Variants in ABCB1 observed in about 807,000 individuals in gnomAD.
ABCB1 encodes ATP binding cassette subfamily B member 1.
A neutral mutation model predicts 142.0 loss-of-function variants in ABCB1; 69 were observed. The ratio of observed to expected loss-of-function variants is 0.49; its 90% confidence interval spans 0.40 to 0.59. The LOEUF (loss-of-function observed/expected upper bound fraction) is 0.59, where lower values mean the gene tolerates loss of function less well. Ranked by LOEUF, ABCB1 falls within the 20% of genes least tolerant of loss-of-function variation. The pLI is 0.00. For synonymous variants in ABCB1, 532 were observed against 539.2 expected, an observed-to-expected ratio of 0.99 and a Z score of 0.18; for missense variants, 1,326 against 1,554.7, an observed-to-expected ratio of 0.85 and a Z score of 2.47.
At chr7:87,588,107 G>C (rs565984918) in intron 3 of ABCB1, among the ~76,000 whole-genome samples, 1 of 151,618 alleles carries the variant, frequency 6.6e-6, no homozygotes, top group South Asian at 2.1e-4. Context: ...TAATTTTCCA[G>C]GAATAAAGAC....
intron 3 of ABCB1, among the ~76,000 whole-genome samples, chr7:87,586,468 G>A (rs1285922967): frequency 6.6e-6 from 1 of 151,960 alleles, no homozygotes; most frequent in African/African-American, 2.4e-5. Flanking sequence ...AAAACCAAAG[G>A]GAAAAAAAAC....
At position 87,689,222 on chromosome 7, in the gene ABCB1, T is replaced by A. The variant is rs1437702022; in HGVS notation, c.-331+23939A>T. On this transcript the variant is annotated intron_variant, in intron 1 of 28. Transcript: ENST00000265724. ...TATAATAAGAGAGTTAAAGAAATGTTTTAGTCTACAATTAATCCAATTTCA... is the reference window on the plus strand; with the variant it reads ...TATAATAAGAGAGTTAAAGAAATGTATTAGTCTACAATTAATCCAATTTCA... 2.6e-5 allele frequency among the ~76,000 whole-genome samples: 4 copies of A among 152,188 alleles called. No homozygotes were observed. In the East Asian group the frequency reaches 7.7e-4, roughly 29 times the overall value.
chr7:87,593,339 T>A (rs1819071919), intron 3 of ABCB1, among the ~76,000 whole-genome samples: 1 of 152,232 alleles, frequency 6.6e-6, no homozygotes, highest in Non-Finnish European at 1.5e-5. Context: ...TTTCTGTAAA[T>A]GTTGAAACAA....
intron 1 of ABCB1, chr7:87,628,963 G>A: frequency 1.5e-6 from 2 of 1,308,064 alleles, no homozygotes; most frequent in South Asian, 3.3e-5. Context: ...AGCGCAGGGC[G>A]AGGGGAACCA....
chr7:87,710,594 C>A (rs1829989120), intron 1 of ABCB1: 2 of 1,599,174 alleles, frequency 1.3e-6, no homozygotes, highest in South Asian at 2.2e-5. Flanking sequence ...CAGAGTAGCA[C>A]TCATGGAAAA....
intron 1 of ABCB1, among the ~76,000 whole-genome samples, chr7:87,648,150 A>G (rs1371238239): frequency 6.7e-6 from 1 of 149,384 alleles, no homozygotes; most frequent in Non-Finnish European, 1.5e-5. Context: ...ACACCATTGC[A>G]CTCCAGCCTG....
chr7:87,520,473 T>A (rs889017344), intron 22 of ABCB1, among the ~76,000 whole-genome samples: 9 of 152,188 alleles, frequency 5.9e-5, no homozygotes, highest in African/African-American at 2.2e-4. Flanking sequence ...ATAACTCATT[T>A]TCAACTAGAG....
intron 3 of ABCB1, among the ~76,000 whole-genome samples, chr7:87,591,393 T>C (rs1298880324): frequency 6.6e-6 from 1 of 152,056 alleles, no homozygotes; most frequent in Non-Finnish European, 1.5e-5. Flanking sequence ...GAATACACAA[T>C]GTCAAAAGAG....
chr7:87,634,043 A>C (rs906433387), intron 1 of ABCB1, among the ~76,000 whole-genome samples: 1 of 152,086 alleles, frequency 6.6e-6, no homozygotes, highest in Non-Finnish European at 1.5e-5. Flanking sequence ...GCAGGTGTGA[A>C]GAGAGACCAA....
rs80186165 is a variant in ABCB1, at chr7:87,513,510, G to C, written c.3282+1721C>G. ...CACCAAGTGTTTTTCCCACTGGAAA[G>C]TGACTATGAGTACATTAGTGGATGG... is the stretch of plus-strand genomic sequence containing the variant. On this transcript the variant is annotated intron_variant, in intron 25 of 27. Coordinates refer to ENST00000622132, the MANE Select transcript of ABCB1 (RefSeq NM_001348946.2). Among the ~76,000 whole-genome samples, 117 of 152,262 alleles carry C rather than the reference G, an allele frequency of 7.7e-4. 1 individual carries two copies. In the East Asian group the frequency reaches 9.3e-3, roughly 12 times the overall value.
chr7:87,552,189 A>G (rs965383920), intron 9 of ABCB1, among the ~76,000 whole-genome samples: 1 of 151,266 alleles, frequency 6.6e-6, no homozygotes, highest in Non-Finnish European at 1.5e-5. Flanking sequence ...GTTTTGTGCA[A>G]ATCAGTTTCT....
At chr7:87,691,135 TATTC>T (rs1827980869) in intron 1 of ABCB1, among the ~76,000 whole-genome samples, 1 of 152,080 alleles carries the variant, frequency 6.6e-6, no homozygotes, top group African/African-American at 2.4e-5. Context: ...ATTAGAAACA[TATTC>T]AGTCTTATCA....
At chr7:87,629,054 C>A in intron 1 of ABCB1, 1 of 1,080,358 alleles carries the variant, frequency 9.3e-7, no homozygotes, top group Non-Finnish European at 1.2e-6. Context: ...CGCCCAGTGC[C>A]CCCGCCTATG....
chr7:87,521,936 TGG>T (rs1046087753), intron 21 of ABCB1: 1 of 782,610 alleles, frequency 1.3e-6, no homozygotes, highest in African/African-American at 1.7e-5. Flanking sequence ...CATGACTCCA[TGG>T]GTAAGACTGT....
intron 3 of ABCB1, among the ~76,000 whole-genome samples, chr7:87,591,897 G>T (rs764419415): frequency 6.6e-5 from 10 of 152,132 alleles, no homozygotes; most frequent in Admixed American, 2.6e-4. Context: ...AACTTTACAG[G>T]CGAGGGCAGC....
intron 3 of ABCB1, among the ~76,000 whole-genome samples, chr7:87,589,015 G>C (rs1017234402): frequency 4.5e-4 from 68 of 152,132 alleles, no homozygotes; most frequent in Non-Finnish European, 2.4e-4. Flanking sequence ...TTGTAAATTT[G>C]TTTAGGTTCC....
intron 1 of ABCB1, among the ~76,000 whole-genome samples, chr7:87,691,624 G>A (rs1828022901): frequency 1.3e-5 from 2 of 152,140 alleles, no homozygotes; most frequent in South Asian, 2.1e-4. Flanking sequence ...TTTGTCATAC[G>A]CTTGTTTATT....
rs1250911288 is a variant in ABCB1, at chr7:87,562,022, A to AATT, written c.703-636_703-635insAAT. Among the ~76,000 whole-genome samples the AATT allele has an allele frequency of 5.3e-5, 8 of 152,228 alleles. No individual in the cohort carries two copies. In the East Asian group the frequency reaches 1.5e-3, roughly 29 times the overall value. ...CCCCAAAATTACACAAAACCAATTT[A>AATT]TTTTAAAAATTCTGATTAAATAGAA... On this transcript the variant is annotated intron_variant, in intron 7 of 27. Transcript: ENST00000622132.
At chr7:87,530,642 T>TA (rs531569409) in intron 21 of ABCB1, among the ~76,000 whole-genome samples, 77 of 150,062 alleles carry the variant, frequency 5.1e-4, no homozygotes, top group Non-Finnish European at 7.9e-4. Flanking sequence ...AGGAGCATGA[T>TA]AAAAAAAAAG....
Sources: allele counts gnomAD v4.1 joint callset (sites outside exome capture counted in the v4.1 genomes callset), GRCh38; gene constraint gnomAD v4.1.1; transcripts MANE v1.5; gene names NCBI Gene and HGNC (gene_info 2026-07-23, HGNC 2026-07-21).